The following UST variants were observed in gnomAD, a reference collection of about 807,000 sequenced individuals.
UST encodes chondroitin sulfate 2-O-sulfotransferase.
In UST, 21 loss-of-function variants were observed where a neutral mutation model predicts 45.6. The observed-to-expected ratio is 0.46, with a 90% CI of 0.33 to 0.66. The LOEUF (loss-of-function observed/expected upper bound fraction) is 0.66. UST is among the 30% of genes least tolerant of loss of function. The pLI, the probability that UST is intolerant of heterozygous loss-of-function variation, is 0.02. For missense variants in UST, 463 were observed against 512.4 expected, an observed-to-expected ratio of 0.90 and a Z score of 0.93; for synonymous variants, 215 against 200.6, an observed-to-expected ratio of 1.07 and a Z score of -0.61.
intron 1 of UST, among the ~76,000 whole-genome samples, chr6:148,841,383 C>T (rs557370517): frequency 6.6e-6 from 1 of 151,956 alleles, no homozygotes; most frequent in Admixed American, 6.6e-5. Context: ...AGAATTATAC[C>T]CTGCCTCAAG....
intron 1 of UST, among the ~76,000 whole-genome samples, chr6:148,885,069 G>T (rs1490116860): frequency 6.6e-6 from 1 of 152,202 alleles, no homozygotes; most frequent in Non-Finnish European, 1.5e-5. Context: ...AAGCTGAGGT[G>T]CCAAGGAGTT....
intron 2 of UST, among the ~76,000 whole-genome samples, chr6:148,892,140 A>G (rs932716037): frequency 6.6e-6 from 1 of 152,212 alleles, no homozygotes; most frequent in Non-Finnish European, 1.5e-5. Flanking sequence ...AGAGTCTAAG[A>G]GAATTAATCT....
chr6:148,999,040 G>T (rs1406831739), intron 5 of UST, among the ~76,000 whole-genome samples: 1 of 152,210 alleles, frequency 6.6e-6, no homozygotes, highest in Non-Finnish European at 1.5e-5. Context: ...CATCTGGAAT[G>T]CACCTTTTCC....
chr6:148,872,560 T>C lies in UST; in HGVS notation c.248-14426T>C, dbSNP rs1778578758. Among the ~76,000 whole-genome samples the C allele has an allele frequency of 2.7e-5, 4 of 150,188 alleles. No homozygotes were observed. In the South Asian group the frequency reaches 8.3e-4, roughly 31 times the overall value. ...AGAAGTGACAAAAAATAAAAAATCATTTTCACAACTATTAACTTCCTATTG... is the reference window on the plus strand; with the variant it reads ...AGAAGTGACAAAAAATAAAAAATCACTTTCACAACTATTAACTTCCTATTG... On this transcript the variant is annotated intron_variant, in intron 1 of 7. Transcript: ENST00000367463.
At position 148,894,929 on chromosome 6, in the gene UST, T is replaced by C. The variant is rs955739164; in HGVS notation, c.291+7900T>C. Among the ~76,000 whole-genome samples the C allele has an allele frequency of 3.3e-5, 5 of 150,108 alleles. No homozygotes were observed. In the East Asian group the frequency reaches 1.0e-3, roughly 30 times the overall value. ...GCCTCCCGGATTCAAGCAATTCTCCTGCCTCAGCCTCCCGAGTAGCTGGGA... is the reference window on the plus strand; with the variant it reads ...GCCTCCCGGATTCAAGCAATTCTCCCGCCTCAGCCTCCCGAGTAGCTGGGA... On this transcript the variant is annotated intron_variant, in intron 2 of 7. Transcript: ENST00000367463.
intron 1 of UST, among the ~76,000 whole-genome samples, chr6:148,872,044 T>C (rs952022788): frequency 6.6e-6 from 1 of 152,198 alleles, no homozygotes; most frequent in Non-Finnish European, 1.5e-5. Flanking sequence ...AAATCGTGTA[T>C]GTGGCTGTGT....
chr6:148,751,808 T>TC (rs1481118184), intron 1 of UST, among the ~76,000 whole-genome samples: 2 of 151,918 alleles, frequency 1.3e-5, no homozygotes, highest in Admixed American at 1.3e-4. Flanking sequence ...AAATAAAATC[T>TC]CCCCCAGAAA....
chr6:148,874,303 T>C (rs900175681), intron 1 of UST, among the ~76,000 whole-genome samples: 4 of 152,256 alleles, frequency 2.6e-5, no homozygotes, highest in African/African-American at 7.2e-5. Context: ...AATTTCCTTC[T>C]ACAAATTTAC....
At chr6:148,985,253 G>A (rs755922046) in intron 5 of UST, among the ~76,000 whole-genome samples, 9 of 152,184 alleles carry the variant, frequency 5.9e-5, no homozygotes, top group Non-Finnish European at 1.0e-4. Context: ...TTGAGATCAT[G>A]TCTGGAACAA....
At chr6:148,939,312 C>T (rs2114920370) in intron 2 of UST, among the ~76,000 whole-genome samples, 1 of 152,196 alleles carries the variant, frequency 6.6e-6, no homozygotes, top group East Asian at 1.9e-4. Context: ...TTATCATAAT[C>T]TCAACTACTT....
chr6:149,027,149 G>C (rs1776061407), intron 7 of UST, among the ~76,000 whole-genome samples: 1 of 151,886 alleles, frequency 6.6e-6, no homozygotes, highest in African/African-American at 2.4e-5. Context: ...TGATTTCATT[G>C]ACGTTGCAGT....
intron 7 of UST, 103 bp from the exon 8 acceptor site, chr6:149,073,730 C>A: frequency 7.2e-7 from 1 of 1,384,224 alleles, no homozygotes; most frequent in Non-Finnish European, 9.8e-7. Flanking sequence ...GCAGTTGCTT[C>A]CTTAGGTGCT....
intron 5 of UST, among the ~76,000 whole-genome samples, chr6:149,008,684 C>A (rs149091479): frequency 6.2e-4 from 94 of 152,280 alleles, no homozygotes; most frequent in African/African-American, 2.2e-3. Context: ...ATGGATAAAG[C>A]AAGAGGCTGA....
intron 5 of UST, among the ~76,000 whole-genome samples, chr6:149,001,545 A>G (rs1278344345): frequency 6.6e-6 from 1 of 152,266 alleles, no homozygotes; most frequent in African/African-American, 2.4e-5. Context: ...CTTGTCAGCA[A>G]CAATAGATAT....
chr6:148,964,761 T>G (rs1780748570), intron 5 of UST, 198 bp downstream of exon 5: 3 of 640,458 alleles, frequency 4.7e-6, no homozygotes, highest in Admixed American at 6.0e-5. Context: ...AATGAACATT[T>G]CCTCAAATTA....
intron 2 of UST, among the ~76,000 whole-genome samples, chr6:148,904,150 A>G (rs1420297969): frequency 2.0e-5 from 3 of 152,228 alleles, no homozygotes; most frequent in African/African-American, 7.2e-5. Flanking sequence ...GGCCTTGAAC[A>G]CAACTGTGGT....
chr6:148,948,857 C>G (rs1257608568), intron 3 of UST, among the ~76,000 whole-genome samples: 1 of 151,750 alleles, frequency 6.6e-6, no homozygotes, highest in Non-Finnish European at 1.5e-5. Context: ...TAGATTGCAG[C>G]CAGTAAATAA....
chr6:148,935,215 A>C (rs12110724), intron 2 of UST, among the ~76,000 whole-genome samples: 11,845 of 152,214 alleles, frequency 0.078, 1,434 homozygotes, highest in African/African-American at 0.25. Flanking sequence ...CATTTGCAGA[A>C]CTTACAAGGC....
At chr6:148,749,984 TTAA>T (rs1775958639) in intron 1 of UST, among the ~76,000 whole-genome samples, 1 of 152,226 alleles carries the variant, frequency 6.6e-6, no homozygotes, top group Non-Finnish European at 1.5e-5. Flanking sequence ...AAATATACCT[TTAA>T]TAATATAAGG....
Sources: allele counts gnomAD v4.1 joint callset (sites outside exome capture counted in the v4.1 genomes callset), GRCh38; gene constraint gnomAD v4.1.1; transcripts MANE v1.5; gene names NCBI Gene and HGNC (gene_info 2026-07-23, HGNC 2026-07-21).